A1CF: variants seen among roughly 807,000 people sequenced by gnomAD.
A1CF encodes the protein APOBEC-1 stimulating protein.
A neutral mutation model predicts 68.9 loss-of-function variants in A1CF; 48 were observed. The ratio of observed to expected loss-of-function variants is 0.70; its 90% confidence interval spans 0.55 to 0.89. The LOEUF (loss-of-function observed/expected upper bound fraction) is 0.89. A1CF is among the 40% of genes least tolerant of loss of function. A1CF has a pLI of 0.00. For synonymous variants in A1CF, 272 were observed against 260.4 expected, an observed-to-expected ratio of 1.04 and a Z score of -0.43; for missense variants, 653 against 718.9, an observed-to-expected ratio of 0.91 and a Z score of 1.05.
chr10:50,865,218 C>T (rs1003366663), intron 1 of A1CF, among the ~76,000 whole-genome samples: 4 of 152,064 alleles, frequency 2.6e-5, no homozygotes, highest in African/African-American at 7.2e-5. Context: ...GCGATTAGGC[C>T]ACTGCACTCC....
chr10:50,816,700 G>C (rs949410994), intron 8 of A1CF, among the ~76,000 whole-genome samples: 5 of 152,188 alleles, frequency 3.3e-5, no homozygotes, highest in African/African-American at 9.6e-5. Context: ...TAAGATGAAG[G>C]TGAAAGGAAA....
intron 2 of A1CF, among the ~76,000 whole-genome samples, chr10:50,861,746 TTAC>T: frequency 6.8e-6 from 1 of 147,946 alleles, no homozygotes; most frequent in South Asian, 2.1e-4. Context: ...ATTATTACTA[TTAC>T]TACTATTATG....
At position 50,800,563 on chromosome 10, in the gene A1CF, A is replaced by G. The variant is rs762619660; in HGVS notation, c.*6166T>C. On this transcript the variant is annotated 3_prime_UTR_variant, in exon 13 of 13. Coordinates refer to ENST00000373997, the MANE Select transcript of A1CF (RefSeq NM_014576.4). The stretch of plus-strand genomic sequence containing the variant: ...AATTAAAGAGAGAAGTAGGAAATAT[A>G]TGTATTTGTATTCACAGTTTCTGGT... The G allele has an allele frequency of 2.0e-5, 3 of 152,154 alleles. No individual in the cohort carries two copies. The highest frequency in any genetic ancestry group is 2.9e-5 in the Non-Finnish European group (2 of 68,018). 9.4% of individuals were successfully genotyped at this position (152,154 alleles called of 1,614,324 possible).
In A1CF at chr10:50,802,001, G is replaced by T. The variant is rs1263336057; in HGVS notation, c.*4728C>A. 6.6e-6 allele frequency: 1 copy of T among 152,038 alleles called. No individual in the cohort carries two copies. Among genetic ancestry groups the T allele is most frequent in the African/African-American group, 2.4e-5 (1 of 41,386 alleles). The allele number at this position is 152,038 out of a possible 1,614,324, so 9.4% of individuals were successfully genotyped here. ...GCATTCTATTTTCTGTATAAACATT[G>T]TTGGACAACATGGCTTTAAAAATGT... On this transcript the variant is annotated 3_prime_UTR_variant, in exon 13 of 13. Coordinates refer to ENST00000373997, the MANE Select transcript of A1CF (RefSeq NM_014576.4).
At chr10:50,828,388 C>T (rs1181055284) in intron 6 of A1CF, 93 bp from the exon 7 acceptor site, 1 of 1,053,178 alleles carries the variant, frequency 9.5e-7, no homozygotes. Context: ...TTGACCTGAC[C>T]CTTGAGGTCT....
Position 50,843,964 on chromosome 10 carries a change from A to G in A1CF, c.234+24T>C, listed in dbSNP as rs562289550. On this transcript the variant is annotated intron_variant, in intron 4 of 12. Transcript: ENST00000373997. The stretch of plus-strand genomic sequence containing the variant: ...ATTTTTCCCTTGAACGATAAGAAAA[A>G]TTAAATGTTAAATTTGGACTCACTT... 1.2e-5 allele frequency: 20 copies of G among 1,612,404 alleles called. No individual in the cohort carries two copies. In the South Asian group the frequency reaches 2.2e-4, roughly 18 times the overall value.
At chr10:50,815,784 A>G (rs1206455609) in intron 9 of A1CF, among the ~76,000 whole-genome samples, 3 of 152,250 alleles carry the variant, frequency 2.0e-5, no homozygotes, top group East Asian at 3.8e-4. Context: ...TCTGTGCACT[A>G]GGCTCATTTG....
At chr10:50,876,047 C>T (rs547120445) in intron 1 of A1CF, among the ~76,000 whole-genome samples, 3 of 152,284 alleles carry the variant, frequency 2.0e-5, no homozygotes, top group South Asian at 2.1e-4. Flanking sequence ...TTTACCTAGG[C>T]GCCTTTGTCC....
At chr10:50,883,532 C>G (rs1034986915) in intron 1 of A1CF, among the ~76,000 whole-genome samples, 2 of 152,068 alleles carry the variant, frequency 1.3e-5, no homozygotes, top group African/African-American at 4.8e-5. Context: ...CTCTAAAGTC[C>G]TTTAGATTTT....
At chr10:50,844,144 G>A (rs1169720547) in intron 3 of A1CF, 22 bp from the exon 4 acceptor site, 14 of 1,602,060 alleles carry the variant, frequency 8.7e-6, no homozygotes, top group Non-Finnish European at 1.1e-5. Flanking sequence ...GGGCAGGTGT[G>A]AAGGAGAGGA....
intron 3 of A1CF, among the ~76,000 whole-genome samples, chr10:50,846,253 T>G (rs1347587541): frequency 6.6e-6 from 1 of 152,196 alleles, no homozygotes. Flanking sequence ...GAATTATAAG[T>G]GTATTCTGTG....
Position 50,881,077 on chromosome 10 carries a change from C to A in A1CF, c.-94+4504G>T, listed in dbSNP as rs182481639. Reference sequence around the variant, plus strand: ...CGATCTCGGCTCACTGCAACCTTCGCCTCCTGGGTTCAAGTGATTTTCCCG... The same window carrying A: ...CGATCTCGGCTCACTGCAACCTTCGACTCCTGGGTTCAAGTGATTTTCCCG... On this transcript the variant is annotated intron_variant, in intron 1 of 12. Coordinates refer to ENST00000373997, the MANE Select transcript of A1CF (RefSeq NM_014576.4). Among the ~76,000 whole-genome samples the A allele has an allele frequency of 1.0e-3, 158 of 152,054 alleles. 2 individuals are homozygous for A. The East Asian group carries it at 0.023, about 22-fold the overall frequency.
rs902766482 is a variant in A1CF, at chr10:50,799,842, G to C, written c.*6887C>G. ...ATATAGGGAATAACAATATCGGGCT[G>C]TATTGCAGTCAGAAACATAGAAGAA... On this transcript the variant is annotated 3_prime_UTR_variant, in exon 13 of 13. Coordinates refer to ENST00000373997, the MANE Select transcript of A1CF (RefSeq NM_014576.4). 1 of 152,082 alleles carries C rather than the reference G, an allele frequency of 6.6e-6. No individual in the cohort carries two copies. The highest frequency in any genetic ancestry group is 6.6e-5 in the Admixed American group (1 of 15,264). The allele number at this position is 152,082 out of a possible 1,614,324, so 9.4% of individuals were successfully genotyped here. A position where few individuals can be genotyped will look rare whatever the true frequency, so the allele number is the denominator to read the frequency against.
At chr10:50,833,993 C>T (rs1271044557) in intron 6 of A1CF, among the ~76,000 whole-genome samples, 1 of 152,090 alleles carries the variant, frequency 6.6e-6, no homozygotes, top group Non-Finnish European at 1.5e-5. Flanking sequence ...AGAGAATCCA[C>T]AAGGAAAAGT....
Position 50,811,164 on chromosome 10 carries a change from T to A in A1CF, c.1336A>T (p.Ile446Phe), listed in dbSNP as rs780371488. The A allele has an allele frequency of 1.7e-5, 27 of 1,612,488 alleles. No individual in the cohort carries two copies. The highest frequency in any genetic ancestry group is 1.2e-4 in the Admixed American group (7 of 59,904). ...IKLAPQILEE[I>F]CQKNNWGQPV... Reference sequence around the variant, plus strand: ...TGTCCCCAGTTATTTTTCTGACAAATCTCTTCTAATATCTACAAGAATAAA... The same window carrying A: ...TGTCCCCAGTTATTTTTCTGACAAAACTCTTCTAATATCTACAAGAATAAA... The change falls in exon 11 of 13, where the codon ATT (isoleucine) becomes TTT (phenylalanine). Residue 446 changes from isoleucine to phenylalanine, a missense_variant. Ile to Phe is a conservative substitution (Grantham distance 21, BLOSUM62 0). Coordinates refer to ENST00000373997, the MANE Select transcript of A1CF (RefSeq NM_014576.4).
chr10:50,880,581 TC>T (rs1186723719), intron 1 of A1CF, among the ~76,000 whole-genome samples: 1 of 152,130 alleles, frequency 6.6e-6, no homozygotes, highest in Non-Finnish European at 1.5e-5. Flanking sequence ...AACACAGTTT[TC>T]CCCCCATGGA....
At chr10:50,865,782 C>A (rs1042664131) in intron 1 of A1CF, among the ~76,000 whole-genome samples, 3 of 152,188 alleles carry the variant, frequency 2.0e-5, no homozygotes, top group Non-Finnish European at 4.4e-5. Context: ...TCTTTGACAA[C>A]CTCTGTAGGT....
chr10:50,830,485 A>T (rs10994639), intron 6 of A1CF, among the ~76,000 whole-genome samples: 1,745 of 152,308 alleles, frequency 0.011, 27 homozygotes, highest in African/African-American at 0.04. Flanking sequence ...AATCAAGAAA[A>T]CTGAAACAGA....
chr10:50,849,558 T>A (rs886541660), intron 3 of A1CF, among the ~76,000 whole-genome samples: 4 of 152,202 alleles, frequency 2.6e-5, no homozygotes, highest in African/African-American at 9.6e-5. Flanking sequence ...CATTATCAAA[T>A]ATTAATTTAG....
Sources: gnomAD v4.1 joint callset for allele counts (sites outside exome capture counted in the v4.1 genomes callset) on GRCh38, gnomAD v4.1.1 for gene constraint, MANE v1.5 for transcripts, NCBI Gene and HGNC (gene_info 2026-07-23, HGNC 2026-07-21) for gene names.